The following RBFOX1 variants were observed in gnomAD, a reference collection of about 807,000 sequenced individuals.
The protein encoded by RBFOX1 is RNA binding protein fox-1 homolog 1.
A neutral mutation model predicts 57.7 loss-of-function variants in RBFOX1; 8 were observed. The observed-to-expected ratio is 0.14, with a 90% CI of 0.08 to 0.25. The LOEUF is 0.25. RBFOX1 is among the 10% of genes least tolerant of loss of function. RBFOX1 has a pLI of 1.00. For missense variants in RBFOX1, 611 were observed against 548.5 expected, an observed-to-expected ratio of 1.11 and a Z score of -1.14; for synonymous variants, 326 against 222.4, an observed-to-expected ratio of 1.47 and a Z score of -4.15.
At chr16:6,473,543 A>G (rs1367056662) in intron 2 of RBFOX1, among the ~76,000 whole-genome samples, 2 of 150,118 alleles carry the variant, frequency 1.3e-5, no homozygotes, top group Non-Finnish European at 3.0e-5. Flanking sequence ...TGTTTTGTTA[A>G]TCCTGTTGAC....
intron 3 of RBFOX1, among the ~76,000 whole-genome samples, chr16:6,898,677 T>C (rs2067590030): frequency 6.6e-6 from 1 of 152,166 alleles, no homozygotes. Context: ...TCTGTGTGTG[T>C]ACATGTGTAT....
chr16:6,900,054 T>G (rs142898695), intron 3 of RBFOX1, among the ~76,000 whole-genome samples: 96 of 152,290 alleles, frequency 6.3e-4, no homozygotes, highest in Admixed American at 2.2e-3. Flanking sequence ...GTCGGGAGGA[T>G]TAAATGAGTT....
intron 4 of RBFOX1, among the ~76,000 whole-genome samples, chr16:7,340,252 C>A (rs766211365): frequency 1.4e-4 from 21 of 152,364 alleles, no homozygotes; most frequent in Non-Finnish European, 1.9e-4. Context: ...AAAGCTGTCA[C>A]AGACATTCAA....
At chr16:7,119,871 T>C (rs188486546) in intron 4 of RBFOX1, among the ~76,000 whole-genome samples, 6 of 152,142 alleles carry the variant, frequency 3.9e-5, no homozygotes, top group Admixed American at 1.3e-4. Context: ...AAATGTGTAA[T>C]CAACACCATC....
At chr16:7,096,463 G>C (rs1408198656) in intron 4 of RBFOX1, among the ~76,000 whole-genome samples, 3 of 152,148 alleles carry the variant, frequency 2.0e-5, no homozygotes, top group Non-Finnish European at 2.9e-5. Flanking sequence ...AGCAGCCCTG[G>C]TGGGTGGACC....
chr16:5,711,455 C>G (rs1379893835), intron 3 of RBFOX1, among the ~76,000 whole-genome samples: 1 of 152,202 alleles, frequency 6.6e-6, no homozygotes, highest in Non-Finnish European at 1.5e-5. Context: ...AGAACTTTTT[C>G]TCTGTCTGGG....
Position 5,946,954 on chromosome 16 carries a change from G to A in RBFOX1, c.351+79619G>A, listed in dbSNP as rs1406717583. 2.6e-5 allele frequency among the ~76,000 whole-genome samples: 4 copies of A among 152,174 alleles called. No individual in the cohort carries two copies. The highest frequency in any genetic ancestry group is 9.7e-5 in the African/African-American group (4 of 41,446). Reference sequence around the variant, plus strand: ...AAGGCCAGAGCAGTGGCTCACAGCCGTAATCCTAGCACTTAGGGAGGCAGA... The same window carrying A: ...AAGGCCAGAGCAGTGGCTCACAGCCATAATCCTAGCACTTAGGGAGGCAGA... On this transcript the variant is annotated intron_variant, in intron 4 of 19. Transcript: ENST00000641259. The surrounding 1 kb of genome is among the most constrained non-coding windows in gnomAD (Gnocchi z 4.6).
chr16:7,571,710 C>A (rs775542237), intron 5 of RBFOX1, among the ~76,000 whole-genome samples: 3 of 152,192 alleles, frequency 2.0e-5, no homozygotes, highest in Non-Finnish European at 4.4e-5. Flanking sequence ...CAGGGAAGCT[C>A]TGCCAAGTGC....
intron 2 of RBFOX1, among the ~76,000 whole-genome samples, chr16:6,533,974 T>C (rs1304644876): frequency 1.3e-5 from 2 of 152,170 alleles, no homozygotes; most frequent in Non-Finnish European, 1.5e-5. Context: ...ATTATATATA[T>C]GTGTGTATAT....
chr16:6,788,952 A>T (rs987675904), intron 3 of RBFOX1, among the ~76,000 whole-genome samples: 2 of 152,054 alleles, frequency 1.3e-5, no homozygotes, highest in African/African-American at 4.8e-5. Context: ...AGCATTCTCT[A>T]TTCTTTCCGC....
intron 3 of RBFOX1, among the ~76,000 whole-genome samples, chr16:6,736,952 C>T (rs1438720898): frequency 3.9e-5 from 6 of 152,142 alleles, no homozygotes; most frequent in African/African-American, 1.4e-4. Flanking sequence ...AAGTTAGCAT[C>T]GGGAAGCGAC....
intron 6 of RBFOX1, among the ~76,000 whole-genome samples, chr16:7,582,104 A>C (rs922463642): frequency 3.3e-5 from 5 of 149,592 alleles, no homozygotes; most frequent in Non-Finnish European, 7.4e-5. Flanking sequence ...ATCTCGGCTC[A>C]TTGCAACCTT....
At chr16:6,872,759 C>A (rs570841103) in intron 3 of RBFOX1, among the ~76,000 whole-genome samples, 1 of 151,850 alleles carries the variant, frequency 6.6e-6, no homozygotes, top group East Asian at 1.9e-4. Context: ...GTTAAAAGTG[C>A]AAAAAAATAA....
chr16:7,413,020 C>T (rs1352595008), intron 4 of RBFOX1, among the ~76,000 whole-genome samples: 3 of 150,558 alleles, frequency 2.0e-5, no homozygotes, highest in Non-Finnish European at 4.4e-5. Flanking sequence ...CCAGCCCGGG[C>T]GAAAGAGCGA....
chr16:7,518,413 G>A lies in RBFOX1; in HGVS notation c.270+24G>A, dbSNP rs200232516. ...CAGTAAGTGGACGTGTTTGCTACGG[G>A]TGGGAGGTTATGGGGAGGCGCCCCC... On this transcript the variant is annotated intron_variant, in intron 5 of 15. Transcript: ENST00000550418. 179 of 1,593,026 alleles carry A rather than the reference G, an allele frequency of 1.1e-4. No individual in the cohort carries two copies. The African/African-American group carries it at 1.7e-3, about 15-fold the overall frequency.
chr16:6,296,395 T>C (rs2078106652), intron 1 of RBFOX1, among the ~76,000 whole-genome samples: 1 of 151,970 alleles, frequency 6.6e-6, no homozygotes, highest in African/African-American at 2.4e-5. Context: ...CATAGGTGGC[T>C]GTTACGATTA....
chr16:5,396,578 G>C (rs1157706063), intron 1 of RBFOX1, among the ~76,000 whole-genome samples: 2 of 152,136 alleles, frequency 1.3e-5, no homozygotes, highest in African/African-American at 4.8e-5. Context: ...GGCGGCAGAG[G>C]TTGCAGTGAG....
chr16:6,292,635 A>G (rs1045124743), intron 1 of RBFOX1, among the ~76,000 whole-genome samples: 8 of 152,152 alleles, frequency 5.3e-5, no homozygotes, highest in African/African-American at 1.9e-4. Context: ...TTCACTGTGG[A>G]AAATTTCTGT....
rs553618406 is a variant in RBFOX1, at chr16:7,061,631, T to A, written c.27+9533T>A. 2.6e-5 allele frequency among the ~76,000 whole-genome samples: 4 copies of A among 152,360 alleles called. No individual in the cohort carries two copies. The East Asian group carries it at 7.7e-4, about 29-fold the overall frequency. ...AATATTCATTCTCCCTTTCCCTTGCTTTAATTTAGCCTATTATCCCCAGTC... is the reference window on the plus strand; with the variant it reads ...AATATTCATTCTCCCTTTCCCTTGCATTAATTTAGCCTATTATCCCCAGTC... On this transcript the variant is annotated intron_variant, in intron 4 of 15. Coordinates refer to ENST00000550418, the MANE Select transcript of RBFOX1 (RefSeq NM_018723.4).
Sources: gnomAD v4.1 joint callset for allele counts (sites outside exome capture counted in the v4.1 genomes callset) on GRCh38, gnomAD v4.1.1 for gene constraint, Gnocchi (gnomAD v3.1) non-coding constraint, MANE v1.5 for transcripts, NCBI Gene and HGNC (gene_info 2026-07-23, HGNC 2026-07-21) for gene names.